NTAQ1: variants seen among roughly 807,000 people sequenced by gnomAD.
NTAQ1 encodes the protein protein N-terminal glutamine amidohydrolase.
NTAQ1 carries 21 observed loss-of-function variants against 28.2 expected under a neutral mutation model. The ratio of observed to expected loss-of-function variants is 0.74; its 90% confidence interval spans 0.53 to 1.07. The LOEUF (loss-of-function observed/expected upper bound fraction) is 1.07, where lower values mean the gene tolerates loss of function less well. Ranked by LOEUF, NTAQ1 falls within the 50% of genes least tolerant of loss-of-function variation. NTAQ1 has a pLI of 0.00. For missense variants in NTAQ1, 264 were observed against 256.6 expected (o/e 1.03, Z -0.20); for synonymous variants, 105 against 90.0 (o/e 1.17, Z -0.94).
At chr8:123,466,933 G>A (rs1415514273) in intron 6 of NTAQ1, 4 of 151,976 alleles carry the variant, frequency 2.6e-5, no homozygotes, top group Admixed American at 1.3e-4. Context: ...CTATATATAA[G>A]TTCTTTTTTT....
At chr8:123,464,566 A>G (rs563008597) in intron 6 of NTAQ1, among the ~76,000 whole-genome samples, 1 of 152,140 alleles carries the variant, frequency 6.6e-6, no homozygotes, top group East Asian at 1.9e-4. Flanking sequence ...GAGTGCTACC[A>G]CCTTCACCTC....
intron 6 of NTAQ1, among the ~76,000 whole-genome samples, chr8:123,447,319 A>G (rs973472510): frequency 2.0e-5 from 3 of 150,522 alleles, no homozygotes; most frequent in African/African-American, 7.3e-5. Flanking sequence ...GTTAACTTTT[A>G]TTTATAATTA....
chr8:123,474,594 G>A (rs1177666288), downstream of NTAQ1, among the ~76,000 whole-genome samples: 1 of 152,128 alleles, frequency 6.6e-6, no homozygotes, highest in African/African-American at 2.4e-5. Flanking sequence ...CAGATATCTT[G>A]GGGAAATACT....
chr8:123,417,734 G>A (rs1474522135), intron 1 of NTAQ1, among the ~76,000 whole-genome samples: 1 of 152,088 alleles, frequency 6.6e-6, no homozygotes, highest in African/African-American at 2.4e-5. Context: ...ATGCCACCAA[G>A]AGCTTAACAT....
intron 1 of NTAQ1, among the ~76,000 whole-genome samples, chr8:123,424,349 TCTC>T (rs1266308629): frequency 6.6e-6 from 1 of 152,046 alleles, no homozygotes; most frequent in Non-Finnish European, 1.5e-5. Flanking sequence ...TTCAAGCAAT[TCTC>T]CTGCCTCAGC....
Position 123,416,855 on chromosome 8 carries a change from A to G in NTAQ1, c.6A>G (p.Glu2=), listed in dbSNP as rs756647782. The change falls in exon 1 of 6, where the codon GAA becomes GAG. Residue 2 remains glutamate, a synonymous_variant. Coordinates refer to ENST00000287387, the MANE Select transcript of NTAQ1 (RefSeq NM_018024.3). ...CCTGGCCCAGCTAGCCGGCCATGGA[A>G]GGTAATGGCCCCGCTGCTGTCCACT... is the stretch of plus-strand genomic sequence containing the variant. The part of the protein sequence containing the change: M[E]GNGPAAVHYQ... 9.8e-6 allele frequency: 15 copies of G among 1,528,828 alleles called. No homozygotes were observed. The South Asian group carries it at 1.8e-4, about 19-fold the overall frequency. The allele number at this position is 1,528,828 out of a possible 1,614,324, so 94.7% of individuals were successfully genotyped here. A position where few individuals can be genotyped will look rare whatever the true frequency, so the allele number is the denominator to read the frequency against.
At chr8:123,422,606 GTTT>G (rs112284256) in intron 1 of NTAQ1, among the ~76,000 whole-genome samples, 69 of 134,392 alleles carry the variant, frequency 5.1e-4, no homozygotes, top group Middle Eastern at 3.8e-3. Context: ...TCCATTGATA[GTTT>G]TTTTTTTTTT....
chr8:123,436,667 CTTT>C (rs10590897), intron 4 of NTAQ1, 66 bp downstream of exon 4: 155 of 1,352,448 alleles, frequency 1.1e-4, no homozygotes, highest in East Asian at 6.5e-4. Context: ...CACAGAGGTT[CTTT>C]TTTTTTTTGA....
downstream of NTAQ1, among the ~76,000 whole-genome samples, chr8:123,450,072 C>G (rs1815445257): frequency 6.8e-6 from 1 of 147,632 alleles, no homozygotes; most frequent in African/African-American, 2.5e-5. Flanking sequence ...AGATACAGGC[C>G]TCTATGATAT....
At chr8:123,425,465 C>T (rs1175822847) in intron 1 of NTAQ1, among the ~76,000 whole-genome samples, 2 of 151,564 alleles carry the variant, frequency 1.3e-5, no homozygotes, top group African/African-American at 2.4e-5. Flanking sequence ...TCTTCCCACC[C>T]CCCCACTTTT....
intron 6 of NTAQ1, among the ~76,000 whole-genome samples, chr8:123,463,185 T>A (rs1815879469): frequency 6.6e-6 from 1 of 152,204 alleles, no homozygotes; most frequent in African/African-American, 2.4e-5. Context: ...TATAAATACT[T>A]CAGAAGGATT....
At chr8:123,454,939 TG>T (rs995612432) in intron 6 of NTAQ1, 1 of 152,252 alleles carries the variant, frequency 6.6e-6, no homozygotes, top group African/African-American at 2.4e-5. Context: ...TTCATTGAGT[TG>T]GTAAGTTGCT....
intron 6 of NTAQ1, among the ~76,000 whole-genome samples, chr8:123,464,813 G>A (rs1035422492): frequency 3.9e-5 from 6 of 152,046 alleles, no homozygotes; most frequent in East Asian, 3.9e-4. Context: ...TTTGGGAGGC[G>A]GATCACTTGA....
At chr8:123,434,544 G>A (rs1179285250) in intron 3 of NTAQ1, among the ~76,000 whole-genome samples, 1 of 152,088 alleles carries the variant, frequency 6.6e-6, no homozygotes, top group Non-Finnish European at 1.5e-5. Context: ...AAAATCACTC[G>A]AACCCCGGAG....
At chr8:123,444,875 C>G (rs1255235454), downstream of NTAQ1, among the ~76,000 whole-genome samples, 1 of 152,130 alleles carries the variant, frequency 6.6e-6, no homozygotes, top group Non-Finnish European at 1.5e-5. Flanking sequence ...ACCTGACACA[C>G]CAAGGAGTTG....
At chr8:123,460,954 A>G (rs1815807230) in intron 6 of NTAQ1, among the ~76,000 whole-genome samples, 1 of 152,058 alleles carries the variant, frequency 6.6e-6, no homozygotes. Flanking sequence ...TCTGTCAGGT[A>G]CTCTGCTCTG....
downstream of NTAQ1, among the ~76,000 whole-genome samples, chr8:123,471,940 T>G (rs1816046089): frequency 6.6e-6 from 1 of 152,200 alleles, no homozygotes; most frequent in Non-Finnish European, 1.5e-5. Context: ...AATATCTTTT[T>G]GGGAAGCACA....
At chr8:123,451,983 C>G (rs1815509831), downstream of NTAQ1, among the ~76,000 whole-genome samples, 1 of 152,224 alleles carries the variant, frequency 6.6e-6, no homozygotes, top group African/African-American at 2.4e-5. Flanking sequence ...ACTCTTCCAC[C>G]TTTTGGTGTG....
downstream of NTAQ1, among the ~76,000 whole-genome samples, chr8:123,452,747 C>A (rs1311521446): frequency 2.1e-5 from 3 of 145,836 alleles, no homozygotes; most frequent in East Asian, 2.0e-4. Flanking sequence ...ACTAAAAATA[C>A]AAAAAAAAAA....
Sources: allele counts gnomAD v4.1 joint callset (sites outside exome capture counted in the v4.1 genomes callset), GRCh38; gene constraint gnomAD v4.1.1; transcripts MANE v1.5; gene names NCBI Gene and HGNC (gene_info 2026-07-23, HGNC 2026-07-21).